P2RX1: variants seen among roughly 807,000 people sequenced by gnomAD.
P2RX1 encodes the protein purinergic receptor P2X 1.
In P2RX1, 42 loss-of-function variants were observed where a neutral mutation model predicts 50.3. That is an observed-to-expected ratio of 0.83 (90% CI 0.65 to 1.08). The LOEUF (loss-of-function observed/expected upper bound fraction) is 1.08, where lower values mean the gene tolerates loss of function less well. Among genes scored for constraint, P2RX1 ranks in the 50% least tolerant of loss-of-function variants. The probability of loss-of-function intolerance (pLI) is 0.00; values close to 1 mark genes in which losing one functional copy is unlikely to be tolerated. For missense variants in P2RX1, 449 were observed against 529.0 expected (o/e 0.85, Z 1.48); for synonymous variants, 199 against 202.6 (o/e 0.98, Z 0.15).
chr17:3,901,292 C>T (rs1041852486), intron 7 of P2RX1, among the ~76,000 whole-genome samples: 1 of 152,228 alleles, frequency 6.6e-6, no homozygotes, highest in Non-Finnish European at 1.5e-5. Flanking sequence ...TGGTCTCGAT[C>T]TCCTGACCTC....
chr17:3,904,835 G>A (rs749112990), intron 3 of P2RX1, 23 bp downstream of exon 3: 19 of 1,568,340 alleles, frequency 1.2e-5, no homozygotes, highest in Non-Finnish European at 1.6e-5. Context: ...CCCAGAAGGG[G>A]GCTGGCGGGC....
chr17:3,912,729 C>T (rs181859785), intron 1 of P2RX1, among the ~76,000 whole-genome samples: 113 of 152,336 alleles, frequency 7.4e-4, no homozygotes, highest in African/African-American at 2.6e-3. Context: ...TCTCTCCATT[C>T]CATGTCCCAC....
intron 1 of P2RX1, among the ~76,000 whole-genome samples, chr17:3,909,379 C>T (rs1349448949): frequency 6.6e-6 from 1 of 152,138 alleles, no homozygotes; most frequent in Non-Finnish European, 1.5e-5. Context: ...TCAGTGGGCA[C>T]ATATAATGAA....
intron 7 of P2RX1, among the ~76,000 whole-genome samples, chr17:3,900,281 C>T (rs1431374697): frequency 1.3e-5 from 2 of 151,914 alleles, no homozygotes; most frequent in East Asian, 1.9e-4. Context: ...AATGAAACCC[C>T]GTCTCTACTA....
At chr17:3,908,741 C>T (rs2056311450) in intron 1 of P2RX1, among the ~76,000 whole-genome samples, 1 of 152,172 alleles carries the variant, frequency 6.6e-6, no homozygotes, top group African/African-American at 2.4e-5. Flanking sequence ...TGCTTTCTAC[C>T]TCGTCATCAG....
chr17:3,901,760 G>GCGCCAGGCAGCGAGGCA (rs2056151042), intron 7 of P2RX1, among the ~76,000 whole-genome samples: 1 of 152,130 alleles, frequency 6.6e-6, no homozygotes, highest in Admixed American at 6.5e-5. Flanking sequence ...GGCTTCCCAC[G>GCGCCAGGCAGCGAGGCA]CGCCAGGCAG....
At position 3,905,369 on chromosome 17, in the gene P2RX1, T is replaced by A. The variant is rs2056244272; in HGVS notation, c.138-2A>T. 1 of 1,613,300 alleles carries A rather than the reference T, an allele frequency of 6.2e-7. No homozygotes were observed. Among genetic ancestry groups the A allele is most frequent in the Non-Finnish European group, 8.5e-7 (1 of 1,179,964 alleles). Reference sequence around the variant, plus strand: ...CCCTTCTCATAGAGAAACACCCACCTGTGCGGGTGGGGACAGAGGGGGAGT... The same window carrying A: ...CCCTTCTCATAGAGAAACACCCACCAGTGCGGGTGGGGACAGAGGGGGAGT... On this transcript the variant is annotated splice_acceptor_variant, in intron 1 of 11. Transcript: ENST00000225538. LOFTEE classifies it high-confidence loss of function.
intron 1 of P2RX1, among the ~76,000 whole-genome samples, chr17:3,913,898 C>T (rs779612234): frequency 3.3e-5 from 5 of 152,234 alleles, no homozygotes; most frequent in Non-Finnish European, 5.9e-5. Context: ...CCCCACGGGC[C>T]GGTTAGGAAG....
chr17:3,907,775 G>A (rs2056293849), intron 1 of P2RX1, among the ~76,000 whole-genome samples: 1 of 152,114 alleles, frequency 6.6e-6, no homozygotes, highest in Admixed American at 6.5e-5. Flanking sequence ...AGCCCCATCA[G>A]GGAGAGCAAG....
Position 3,914,429 on chromosome 17 carries a change from TG to T in P2RX1, c.137+1659del, listed in dbSNP as rs1165816828. On this transcript the variant is annotated intron_variant, in intron 1 of 11. Coordinates refer to ENST00000225538, the MANE Select transcript of P2RX1 (RefSeq NM_002558.4). The surrounding 1 kb of genome is among the most constrained non-coding windows in gnomAD (Gnocchi z 4.1). ...TTGGGGCATAGGCTACGGCTGGGAATGGGTGGGTCCCTCCAACGCTGACAGC... is the reference window on the plus strand; with the variant it reads ...TTGGGGCATAGGCTACGGCTGGGAATGGTGGGTCCCTCCAACGCTGACAGC... Among the ~76,000 whole-genome samples, 1 of 152,002 alleles carries T rather than the reference TG, an allele frequency of 6.6e-6. No individual in the cohort carries two copies. The highest frequency in any genetic ancestry group is 6.6e-5 in the Admixed American group (1 of 15,248).
In P2RX1 at chr17:3,904,944, C is replaced by CG; in HGVS notation, c.286-16_286-15insC. 1 of 350,536 alleles carries CG rather than the reference C, an allele frequency of 2.9e-6. No homozygotes were observed. The highest frequency in any genetic ancestry group is 5.6e-6 in the Non-Finnish European group (1 of 178,214). The allele number at this position is 350,536 out of a possible 1,614,324, so 21.7% of individuals were successfully genotyped here. On this transcript the variant is annotated splice_polypyrimidine_tract_variant and intron_variant, in intron 2 of 11. Coordinates refer to ENST00000225538, the MANE Select transcript of P2RX1 (RefSeq NM_002558.4). ...GAGTTGTCCCCCTAGAAGTGAGGGGCAGGGGGAGGGTGGGGTGGGCTGGGA... is the reference window on the plus strand; with the variant it reads ...GAGTTGTCCCCCTAGAAGTGAGGGGCGAGGGGGAGGGTGGGGTGGGCTGGGA...
In P2RX1 at chr17:3,914,043, G is replaced by A. The variant is rs917577654; in HGVS notation, c.137+2046C>T. On this transcript the variant is annotated intron_variant, in intron 1 of 11. Coordinates refer to ENST00000225538, the MANE Select transcript of P2RX1 (RefSeq NM_002558.4). The surrounding 1 kb of genome is among the most constrained non-coding windows in gnomAD (Gnocchi z 4.1). Reference sequence around the variant, plus strand: ...GGCGCAAGAGACAGCAGGCACCACAGCCTGAGCAGGAGCTGGAAGCCTGGG... The same window carrying A: ...GGCGCAAGAGACAGCAGGCACCACAACCTGAGCAGGAGCTGGAAGCCTGGG... Among the ~76,000 whole-genome samples the A allele has an allele frequency of 6.6e-6, 1 of 152,184 alleles. No individual in the cohort carries two copies. The highest frequency in any genetic ancestry group is 1.5e-5 in the Non-Finnish European group (1 of 68,042).
chr17:3,906,644 G>A (rs1351456330), intron 1 of P2RX1, among the ~76,000 whole-genome samples: 3 of 152,222 alleles, frequency 2.0e-5, no homozygotes, highest in Non-Finnish European at 2.9e-5. Context: ...AGGCACTGTG[G>A]GAGTGGCTCA....
chr17:3,906,628 C>T (rs893300980), intron 1 of P2RX1, among the ~76,000 whole-genome samples: 3 of 152,216 alleles, frequency 2.0e-5, no homozygotes, highest in African/African-American at 4.8e-5. Flanking sequence ...TCCAGCCCCT[C>T]GGTCGAGGCA....
In P2RX1 at chr17:3,903,633, T is replaced by A; in HGVS notation, c.525-2A>T. 3 of 1,613,650 alleles carry A rather than the reference T, an allele frequency of 1.9e-6. No individual in the cohort carries two copies. Among genetic ancestry groups the A allele is most frequent in the Non-Finnish European group, 2.5e-6 (3 of 1,179,828 alleles). On this transcript the variant is annotated splice_acceptor_variant, in intron 5 of 11. Transcript: ENST00000225538. LOFTEE classifies it high-confidence loss of function. This position sits in a 1 kb window ranked among gnomAD's most constrained non-coding sequence, Gnocchi z 4.6. ...TCGGCCTCTCGGAGAAGGGCAGGGCTGGAGGACACCACACGCACTCACCGC... is the reference window on the plus strand; with the variant it reads ...TCGGCCTCTCGGAGAAGGGCAGGGCAGGAGGACACCACACGCACTCACCGC...
chr17:3,916,168 G>C lies in P2RX1; in HGVS notation c.58C>G (p.Arg20Gly), dbSNP rs201679579. ...AAFLFEYDTP[R>G]MVLVRNKKVG... Reference sequence around the variant, plus strand: ...TTCTTATTACGCACCAGCACCATGCGGGGGGTGTCATACTCGAAGAGGAAG... The same window carrying C: ...TTCTTATTACGCACCAGCACCATGCCGGGGGTGTCATACTCGAAGAGGAAG... Residue 20 changes from arginine (R) to glycine (G), a missense_variant, in exon 1 of 12, where the codon CGC becomes GGC. By Grantham distance (125) the Arg-to-Gly change is moderately radical. Coordinates refer to ENST00000225538, the MANE Select transcript of P2RX1 (RefSeq NM_002558.4). The C allele has an allele frequency of 1.7e-5, 27 of 1,613,400 alleles. No homozygotes were observed. The highest frequency in any genetic ancestry group is 2.3e-5 in the Non-Finnish European group (27 of 1,179,936).
chr17:3,899,519 G>A (rs553536231), intron 8 of P2RX1, 115 bp downstream of exon 8: 2 of 1,417,534 alleles, frequency 1.4e-6, no homozygotes, highest in Non-Finnish European at 2.0e-6. Context: ...AATGAGAGCT[G>A]CCCAGGACCC....
chr17:3,901,350 A>T lies in P2RX1; in HGVS notation c.748-1589T>A, dbSNP rs528412007. Among the ~76,000 whole-genome samples the T allele has an allele frequency of 3.3e-5, 5 of 152,336 alleles. No homozygotes were observed. The East Asian group carries it at 7.7e-4, about 24-fold the overall frequency. On this transcript the variant is annotated intron_variant, in intron 7 of 11. Transcript: ENST00000225538. The stretch of plus-strand genomic sequence containing the variant: ...CCAAAGTGCTGGGATTACAGGCGTG[A>T]GCCACCGCACCCAGCCCTGATGACA...
Position 3,904,363 on chromosome 17 carries a change from A to T in P2RX1, c.394T>A (p.Cys132Ser). 1 of 1,614,028 alleles carries T rather than the reference A, an allele frequency of 6.2e-7. No homozygotes were observed. The highest frequency in any genetic ancestry group is 8.5e-7 in the Non-Finnish European group (1 of 1,179,954). Residue 132 changes from cysteine (C) to serine (S), a missense_variant, in exon 4 of 12, where the codon TGT becomes AGT. Physicochemically the swap from Cys to Ser is moderately radical, Grantham distance 112 (BLOSUM62 -1). Transcript: ENST00000225538. ...TTCCTCTTGGCCTTCCCAGGGGTACAGCCACTGTCTTCCTTGCATATGCCC... is the reference window on the plus strand; with the variant it reads ...TTCCTCTTGGCCTTCCCAGGGGTACTGCCACTGTCTTCCTTGCATATGCCC... Reference protein sequence around the residue: ...EGGICKEDSGCTPGKAKRKAQ... With the variant: ...EGGICKEDSGSTPGKAKRKAQ...
Sources: gnomAD v4.1 joint callset for allele counts (sites outside exome capture counted in the v4.1 genomes callset) on GRCh38, gnomAD v4.1.1 for gene constraint, Gnocchi (gnomAD v3.1) non-coding constraint, MANE v1.5 for transcripts, NCBI Gene and HGNC (gene_info 2026-07-23, HGNC 2026-07-21) for gene names.